Variants in DOCK2 observed in about 807,000 individuals in gnomAD.
DOCK2 encodes dedicator of cytokinesis 2.
A neutral mutation model predicts 248.9 loss-of-function variants in DOCK2; 87 were observed. The ratio of observed to expected loss-of-function variants is 0.35; its 90% confidence interval spans 0.29 to 0.42. The LOEUF (loss-of-function observed/expected upper bound fraction) is 0.42, where lower values mean the gene tolerates loss of function less well. Among genes scored for constraint, DOCK2 ranks in the 10% least tolerant of loss-of-function variants. The pLI is 1.00. For synonymous variants in DOCK2, 805 were observed against 821.6 expected (o/e 0.98, Z 0.35); for missense variants, 1,747 against 2,300.2 (o/e 0.76, Z 4.92).
chr5:169,876,511 T>G (rs1370185324), intron 27 of DOCK2, among the ~76,000 whole-genome samples: 1 of 152,170 alleles, frequency 6.6e-6, no homozygotes, highest in Non-Finnish European at 1.5e-5. Context: ...CCCACTACAG[T>G]CAGGACAGAA....
intron 25 of DOCK2, among the ~76,000 whole-genome samples, chr5:169,773,843 T>C (rs10036864): frequency 0.022 from 3,349 of 152,272 alleles, 135 homozygotes; most frequent in African/African-American, 0.075. Context: ...GTTCTCATGG[T>C]AGTGAATAAG....
rs78678563 is a variant in DOCK2, at chr5:169,756,058, G to A, written c.2377-3647G>A. 5.6e-3 allele frequency among the ~76,000 whole-genome samples: 858 copies of A among 152,322 alleles called. 11 individuals carry two copies. Among genetic ancestry groups the A allele is most frequent in the African/African-American group, 0.02 (825 of 41,560 alleles). ...AGGCCTGCCACTTCTCTGTGAGGCCGCCTGGACTAGATGCAAATTTAATAC... is the reference window on the plus strand; with the variant it reads ...AGGCCTGCCACTTCTCTGTGAGGCCACCTGGACTAGATGCAAATTTAATAC... On this transcript the variant is annotated intron_variant, in intron 23 of 51. Transcript: ENST00000520908.
intron 9 of DOCK2, among the ~76,000 whole-genome samples, chr5:169,693,579 G>C (rs1760430768): frequency 6.6e-6 from 1 of 152,136 alleles, no homozygotes; most frequent in African/African-American, 2.4e-5. Context: ...AGACAAGGCT[G>C]TTCCAACCAT....
At chr5:169,866,845 T>C (rs908889784) in intron 27 of DOCK2, among the ~76,000 whole-genome samples, 1 of 152,242 alleles carries the variant, frequency 6.6e-6, no homozygotes, top group African/African-American at 2.4e-5. Flanking sequence ...TGACCAAATG[T>C]GTGGGAGTTT....
intron 27 of DOCK2, among the ~76,000 whole-genome samples, chr5:169,925,579 T>TA (rs34833916): frequency 0.081 from 6,453 of 79,684 alleles, 545 homozygotes; most frequent in Middle Eastern, 0.13. Flanking sequence ...GACTCTGTCT[T>TA]AAAAAAAAAA....
chr5:169,868,516 C>T (rs545038891), intron 27 of DOCK2, among the ~76,000 whole-genome samples: 5 of 152,102 alleles, frequency 3.3e-5, no homozygotes, highest in Admixed American at 6.6e-5. Flanking sequence ...CCCAGCACTT[C>T]GAAAGACCCA....
At chr5:169,919,342 A>G (rs1775048976) in intron 27 of DOCK2, among the ~76,000 whole-genome samples, 1 of 152,178 alleles carries the variant, frequency 6.6e-6, no homozygotes, top group African/African-American at 2.4e-5. Flanking sequence ...AGGTTTATGA[A>G]GATTTACTGC....
chr5:170,017,606 G>A (rs897206490), intron 32 of DOCK2, among the ~76,000 whole-genome samples: 1 of 152,132 alleles, frequency 6.6e-6, no homozygotes, highest in Non-Finnish European at 1.5e-5. Context: ...ATTGTCCTGG[G>A]CAGTTGCTAA....
intron 3 of DOCK2, 31 bp from the exon 4 acceptor site, chr5:169,670,511 A>G (rs373334613): frequency 8.1e-6 from 13 of 1,605,620 alleles, no homozygotes; most frequent in South Asian, 2.2e-5. Flanking sequence ...TTTTTATTTT[A>G]TTTTGTTTTG....
intron 26 of DOCK2, among the ~76,000 whole-genome samples, chr5:169,831,708 G>A (rs548040856): frequency 6.6e-6 from 1 of 152,258 alleles, no homozygotes; most frequent in East Asian, 1.9e-4. Context: ...AAAATACTTA[G>A]AAAAGTACAT....
At chr5:169,870,901 T>TATAC (rs3079668) in intron 27 of DOCK2, among the ~76,000 whole-genome samples, 52,223 of 151,502 alleles carry the variant, frequency 0.34, 10,265 homozygotes, top group Non-Finnish European at 0.44. Flanking sequence ...CTGGGTGGCT[T>TATAC]ATACATACAT....
intron 27 of DOCK2, among the ~76,000 whole-genome samples, chr5:169,877,399 G>C (rs1772393503): frequency 6.6e-6 from 1 of 152,200 alleles, no homozygotes. Context: ...AGCCTTTTCT[G>C]AACCTGCGGC....
At chr5:169,701,518 G>GT (rs1344596358) in intron 13 of DOCK2, among the ~76,000 whole-genome samples, 3 of 144,204 alleles carry the variant, frequency 2.1e-5, no homozygotes, top group Admixed American at 1.4e-4. Flanking sequence ...TTTTCTTTTT[G>GT]TTTTTTTGAG....
rs182673322 is a variant in DOCK2 at position 169,731,534 on chromosome 5, A to C, written c.2267+12743A>C. ...AACCTCTTTCTTTTGTAAATGGCCTAGTCTCGGCTATGTCTTTATCAGCAA... is the reference window on the plus strand; with the variant it reads ...AACCTCTTTCTTTTGTAAATGGCCTCGTCTCGGCTATGTCTTTATCAGCAA... On this transcript the variant is annotated intron_variant, in intron 22 of 51. Transcript: ENST00000520908. Among the ~76,000 whole-genome samples the C allele has an allele frequency of 9.9e-5, 15 of 152,222 alleles. No homozygotes were observed. The East Asian group carries it at 2.5e-3, about 26-fold the overall frequency.
At position 170,067,643 on chromosome 5, in the gene DOCK2, T is replaced by C. The variant is rs1757539895; in HGVS notation, c.4601T>C (p.Ile1534Thr). 1 of 1,614,180 alleles carries C rather than the reference T, an allele frequency of 6.2e-7. No individual in the cohort carries two copies. Among genetic ancestry groups the C allele is most frequent in the Non-Finnish European group, 8.5e-7 (1 of 1,180,018 alleles). The change falls in exon 45 of 52, where the codon ATT (isoleucine) becomes ACT (threonine). Residue 1534 changes from isoleucine (I) to threonine (T), a missense_variant. Ile to Thr is a moderately conservative substitution (Grantham distance 89). Transcript: ENST00000520908. ...CCACTCTCCATGCTCCTGAACGGGATTGTGGACCCTGCTGTCATGGGAGGC... is the reference window on the plus strand; with the variant it reads ...CCACTCTCCATGCTCCTGAACGGGACTGTGGACCCTGCTGTCATGGGAGGC... ...INPLSMLLNG[I>T]VDPAVMGGFA...
At chr5:169,867,972 C>G (rs908165680) in intron 27 of DOCK2, among the ~76,000 whole-genome samples, 1 of 152,176 alleles carries the variant, frequency 6.6e-6, no homozygotes, top group Non-Finnish European at 1.5e-5. Flanking sequence ...AGATAGGGAA[C>G]ATCTATATTC....
rs369027782 is a variant in DOCK2, at chr5:169,695,945, G to A, written c.979+7G>A. 1.3e-5 allele frequency: 20 copies of A among 1,588,182 alleles called. No homozygotes were observed. In the East Asian group the frequency reaches 1.8e-4, roughly 14 times the overall value. ...AGGCCCTTTGGGGTGGCAGGTAAGGGGCACACTCTGCATCATTGATTTTTA... is the reference window on the plus strand; with the variant it reads ...AGGCCCTTTGGGGTGGCAGGTAAGGAGCACACTCTGCATCATTGATTTTTA... On this transcript the variant is annotated splice_region_variant and intron_variant, in intron 10 of 51. Coordinates refer to ENST00000520908, the MANE Select transcript of DOCK2 (RefSeq NM_004946.3).
At chr5:169,962,347 C>T (rs1777124244) in intron 27 of DOCK2, among the ~76,000 whole-genome samples, 1 of 151,998 alleles carries the variant, frequency 6.6e-6, no homozygotes, top group African/African-American at 2.4e-5. Context: ...TTGGATATGG[C>T]CAGTCAGAAA....
chr5:169,961,221 C>G (rs1777073767), intron 27 of DOCK2, among the ~76,000 whole-genome samples: 1 of 152,196 alleles, frequency 6.6e-6, no homozygotes, highest in Non-Finnish European at 1.5e-5. Flanking sequence ...ATTAATGGAT[C>G]ATCATCATCT....
Sources: gnomAD v4.1 joint callset for allele counts (sites outside exome capture counted in the v4.1 genomes callset) on GRCh38, gnomAD v4.1.1 for gene constraint, MANE v1.5 for transcripts, NCBI Gene and HGNC (gene_info 2026-07-23, HGNC 2026-07-21) for gene names.